The following POLD3 variants were observed in gnomAD, a reference collection of about 807,000 sequenced individuals.
POLD3 encodes DNA polymerase delta subunit 3.
In POLD3, 19 loss-of-function variants were observed where a neutral mutation model predicts 58.2. The ratio of observed to expected loss-of-function variants is 0.33; its 90% CI spans 0.23 to 0.48. The LOEUF (loss-of-function observed/expected upper bound fraction) is 0.48. Ranked by LOEUF, POLD3 falls within the 20% of genes least tolerant of loss-of-function variation. The pLI, the probability that POLD3 is intolerant of heterozygous loss-of-function variation, is 0.99. For missense variants in POLD3, 504 were observed against 545.5 expected, an observed-to-expected ratio of 0.92 and a Z score of 0.76; for synonymous variants, 172 against 193.5, an observed-to-expected ratio of 0.89 and a Z score of 0.92.
At position 74,641,452 on chromosome 11, in the gene POLD3, AG is replaced by A. The variant is rs2032911000; in HGVS notation, c.*687del. ...TAGTGGTTAGGGAAAAGCCTCAGGC[AG>A]AACACAAATAGAAATTTAATGATGT... On this transcript the variant is annotated 3_prime_UTR_variant, in exon 12 of 12. Transcript: ENST00000263681. 1.0e-6 allele frequency: 1 copy of A among 985,366 alleles called. No homozygotes were observed. Among genetic ancestry groups the A allele is most frequent in the Admixed American group, 6.1e-5 (1 of 16,276 alleles). 61.0% of individuals were successfully genotyped at this position (985,366 alleles called of 1,614,324 possible).
intron 6 of POLD3, 52 bp from the exon 7 acceptor site, chr11:74,619,965 A>G (rs2032201469): frequency 4.2e-6 from 6 of 1,420,568 alleles, no homozygotes; most frequent in South Asian, 3.4e-5. Flanking sequence ...CTGCTACTTC[A>G]TGAACAGCCT....
At chr11:74,663,488 AGTC>A (rs1225876656) in intron 4 of POLD3, among the ~76,000 whole-genome samples, 1 of 152,252 alleles carries the variant, frequency 6.6e-6, no homozygotes, top group East Asian at 1.9e-4. Flanking sequence ...GTGCCACAGT[AGTC>A]AAGACAGTGT....
intron 3 of POLD3, among the ~76,000 whole-genome samples, chr11:74,609,716 T>G (rs67772345): frequency 0.038 from 5,736 of 152,118 alleles, 131 homozygotes; most frequent in Non-Finnish European, 0.058. Flanking sequence ...AAATATATAT[T>G]CATTTTGCCT....
intron 4 of POLD3, among the ~76,000 whole-genome samples, chr11:74,666,140 G>A (rs1424249315): frequency 1.3e-5 from 2 of 152,148 alleles, no homozygotes; most frequent in African/African-American, 4.8e-5. Context: ...GAAAACAATT[G>A]CATTTACAAT....
chr11:74,660,725 C>T (rs1374811595), intron 4 of POLD3, among the ~76,000 whole-genome samples: 1 of 152,104 alleles, frequency 6.6e-6, no homozygotes. Context: ...CTTCTCTGGC[C>T]AGGTAAGGTG....
At chr11:74,625,626 G>A in intron 8 of POLD3, 53 bp downstream of exon 8, 1 of 1,468,904 alleles carries the variant, frequency 6.8e-7, no homozygotes, top group Non-Finnish European at 9.3e-7. Flanking sequence ...GGGTGAGAAG[G>A]TCTCTTTGGG....
At chr11:74,660,907 G>A (rs1411787392) in intron 4 of POLD3, among the ~76,000 whole-genome samples, 1 of 151,774 alleles carries the variant, frequency 6.6e-6, no homozygotes, top group East Asian at 1.9e-4. Flanking sequence ...CATCTCCTCT[G>A]ACTGTGTTTT....
intron 4 of POLD3, among the ~76,000 whole-genome samples, chr11:74,664,226 C>G (rs955566336): frequency 6.6e-6 from 1 of 152,126 alleles, no homozygotes; most frequent in East Asian, 1.9e-4. Flanking sequence ...CTGGAACTTT[C>G]TCATAAAGTT....
chr11:74,665,388 A>T (rs2033255504), intron 4 of POLD3, among the ~76,000 whole-genome samples: 5 of 102,968 alleles, frequency 4.9e-5, no homozygotes, highest in South Asian at 3.1e-4. Context: ...GCACCCTTTT[A>T]TAATTTTTTT....
chr11:74,660,304 G>A (rs1242312142), intron 4 of POLD3, among the ~76,000 whole-genome samples: 1 of 152,160 alleles, frequency 6.6e-6, no homozygotes, highest in Non-Finnish European at 1.5e-5. Flanking sequence ...AGATTTGGGT[G>A]GGGATATAGC....
intron 7 of POLD3, among the ~76,000 whole-genome samples, chr11:74,622,194 A>G (rs2032284936): frequency 6.6e-6 from 1 of 152,064 alleles, no homozygotes; most frequent in Non-Finnish European, 1.5e-5. Flanking sequence ...TACAAAGGAC[A>G]TGAACTCATC....
intron 3 of POLD3, 37 bp downstream of exon 3, chr11:74,604,831 T>C (rs1460603098): frequency 9.2e-7 from 1 of 1,089,472 alleles, no homozygotes; most frequent in African/African-American, 1.5e-5. Flanking sequence ...CTTAAATGTG[T>C]TTGTGTTATG....
intron 2 of POLD3, 197 bp from the exon 3 acceptor site, chr11:74,604,495 T>C: frequency 3.7e-6 from 2 of 534,208 alleles, no homozygotes; most frequent in South Asian, 2.3e-5. Flanking sequence ...TCCAAACACA[T>C]GGACTCTACT....
chr11:74,605,007 A>G (rs1362197967), intron 3 of POLD3, among the ~76,000 whole-genome samples: 1 of 152,236 alleles, frequency 6.6e-6, no homozygotes, highest in Non-Finnish European at 1.5e-5. Flanking sequence ...CTGTATCATT[A>G]TTATGCAATA....
At chr11:74,654,372 A>G (rs978115635) in intron 4 of POLD3, among the ~76,000 whole-genome samples, 1 of 152,224 alleles carries the variant, frequency 6.6e-6, no homozygotes, top group Non-Finnish European at 1.5e-5. Flanking sequence ...AGAGTTAATC[A>G]AGAAGATATA....
intron 3 of POLD3, among the ~76,000 whole-genome samples, chr11:74,610,983 C>T (rs965429912): frequency 6.6e-6 from 1 of 152,098 alleles, no homozygotes; most frequent in Non-Finnish European, 1.5e-5. Flanking sequence ...CCATGTTGGC[C>T]AGGGTGGTCT....
intron 2 of POLD3, among the ~76,000 whole-genome samples, chr11:74,603,128 A>T (rs2031559544): frequency 1.3e-5 from 2 of 152,192 alleles, no homozygotes; most frequent in African/African-American, 4.8e-5. Context: ...TGCTTTATTC[A>T]CTGTTCTGTC....
At chr11:74,612,052 T>G (rs1306317568) in intron 4 of POLD3, among the ~76,000 whole-genome samples, 2 of 152,226 alleles carry the variant, frequency 1.3e-5, no homozygotes, top group Non-Finnish European at 2.9e-5. Flanking sequence ...CCTGTACTGT[T>G]GTACTTTGTA....
At chr11:74,665,931 G>A (rs894534622) in intron 4 of POLD3, among the ~76,000 whole-genome samples, 1 of 152,024 alleles carries the variant, frequency 6.6e-6, no homozygotes, top group Non-Finnish European at 1.5e-5. Context: ...AGAACAAAAC[G>A]GATTCATTTT....
Sources: gnomAD v4.1 joint callset for allele counts (sites outside exome capture counted in the v4.1 genomes callset) on GRCh38, gnomAD v4.1.1 for gene constraint, MANE v1.5 for transcripts, NCBI Gene and HGNC (gene_info 2026-07-23, HGNC 2026-07-21) for gene names.